The following REXO5 variants were observed in gnomAD, a reference collection of about 807,000 sequenced individuals.
REXO5 encodes the protein RNA exonuclease 5, also known as exonuclease NEF-sp.
A neutral mutation model predicts 88.5 loss-of-function variants in REXO5; 48 were observed. The ratio of observed to expected loss-of-function variants is 0.54; its 90% CI spans 0.43 to 0.69. The LOEUF (loss-of-function observed/expected upper bound fraction) is 0.69. REXO5 is among the 30% of genes least tolerant of loss of function. The pLI, the probability that REXO5 is intolerant of heterozygous loss-of-function variation, is 0.00. For synonymous variants in REXO5, 311 were observed against 336.5 expected (o/e 0.92, Z 0.83); for missense variants, 749 against 912.2 (o/e 0.82, Z 2.30).
rs554302321 is a variant in REXO5, at chr16:20,837,623, A to C, written c.1384-2132A>C. Among the ~76,000 whole-genome samples the C allele has an allele frequency of 2.8e-4, 42 of 152,008 alleles. 1 individual carries two copies. In the South Asian group the frequency reaches 3.7e-3, roughly 14 times the overall value. The stretch of plus-strand genomic sequence containing the variant: ...CTTGACAACTTGTAGTTGCTTTTTC[A>C]TATCCTCAAATGCTTGGCTGCTAAT... On this transcript the variant is annotated intron_variant, in intron 13 of 19. Coordinates refer to ENST00000261377, the MANE Select transcript of REXO5 (RefSeq NM_030941.3).
At chr16:20,813,107 C>T in intron 2 of REXO5, 83 bp from the exon 3 acceptor site, 1 of 905,696 alleles carries the variant, frequency 1.1e-6, no homozygotes, top group South Asian at 1.4e-5. Context: ...TTAAAGTAAT[C>T]AGAAGCTAGA....
At chr16:20,827,268 T>C (rs2081273891) in intron 9 of REXO5, 72 bp downstream of exon 9, 1 of 1,607,170 alleles carries the variant, frequency 6.2e-7, no homozygotes, top group Non-Finnish European at 8.5e-7. Flanking sequence ...TCTAAAGTCT[T>C]GGGCTCTTCT....
chr16:20,814,300 G>A (rs898392734), intron 3 of REXO5, among the ~76,000 whole-genome samples: 2 of 152,086 alleles, frequency 1.3e-5, no homozygotes, highest in African/African-American at 2.4e-5. Flanking sequence ...GCAGTGGCAC[G>A]ATCTCCGCTC....
In REXO5 at chr16:20,824,508, T is replaced by C. The variant is rs748889200; in HGVS notation, c.686T>C (p.Phe229Ser). ...TCTATAGCAGACAATAGTCCTCTCTTTGGACTTGACTGTGAAATGGCACGT... is the reference window on the plus strand; with the variant it reads ...TCTATAGCAGACAATAGTCCTCTCTCTGGACTTGACTGTGAAATGGCACGT... ...NGSIADNSPLFGLDCEMCLTS... is the reference protein window; with the variant it reads ...NGSIADNSPLSGLDCEMCLTS... The change falls in exon 7 of 20, where the codon TTT becomes TCT. Residue 229 changes from phenylalanine (F) to serine (S), a missense_variant. Transcript: ENST00000261377. 3 of 1,609,368 alleles carry C rather than the reference T, an allele frequency of 1.9e-6. No homozygotes were observed. The highest frequency in any genetic ancestry group is 2.6e-6 in the Non-Finnish European group (3 of 1,175,924).
chr16:20,823,337 C>G (rs1237167881), intron 6 of REXO5: 1 of 152,148 alleles, frequency 6.6e-6, no homozygotes, highest in East Asian at 1.9e-4. Context: ...AGGCACCGTA[C>G]TAAGTGCCTT....
chr16:20,815,110 A>C, intron 4 of REXO5, 57 bp downstream of exon 4: 1 of 1,563,202 alleles, frequency 6.4e-7, no homozygotes, highest in Non-Finnish European at 8.7e-7. Flanking sequence ...TCTGAGACTA[A>C]TACATGTGTC....
chr16:20,822,068 T>C (rs2081193964), intron 6 of REXO5, among the ~76,000 whole-genome samples, 166 bp downstream of exon 6: 1 of 152,236 alleles, frequency 6.6e-6, no homozygotes, highest in Non-Finnish European at 1.5e-5. Context: ...ATCTCAAAAG[T>C]GTGTGATGTC....
At position 20,832,358 on chromosome 16, in the gene REXO5, TA is replaced by T. The variant is rs2081358647; in HGVS notation, c.1262+104del. On this transcript the variant is annotated intron_variant, in intron 12 of 19. Transcript: ENST00000261377. Reference sequence around the variant, plus strand: ...TGTTTTTATCCTCTTTTGAGTCTATTAAAAACTATTTACCAAAAAATGATAA... The same window carrying T: ...TGTTTTTATCCTCTTTTGAGTCTATTAAAACTATTTACCAAAAAATGATAA... 4 of 721,164 alleles carry T rather than the reference TA, an allele frequency of 5.5e-6. No homozygotes were observed. The Admixed American group carries it at 1.1e-4, about 20-fold the overall frequency. The allele number at this position is 721,164 out of a possible 1,614,324, so 44.7% of individuals were successfully genotyped here.
chr16:20,833,000 T>C lies in REXO5; in HGVS notation c.1263-3T>C, dbSNP rs200182190. 1.4e-5 allele frequency: 22 copies of C among 1,611,392 alleles called. No individual in the cohort carries two copies. The African/African-American group carries it at 2.3e-4, about 17-fold the overall frequency. On this transcript the variant is annotated splice_polypyrimidine_tract_variant and splice_region_variant and intron_variant, in intron 12 of 19. Transcript: ENST00000261377. ...TTACCTTAACTCTTCTACTTCTTTA[T>C]AGTGTTTTAGAATGCTTGGATTCAG... is the stretch of plus-strand genomic sequence containing the variant.
intron 13 of REXO5, among the ~76,000 whole-genome samples, chr16:20,837,626 T>C (rs950596887): frequency 1.3e-5 from 2 of 152,214 alleles, no homozygotes; most frequent in African/African-American, 4.8e-5. Context: ...CTTTTTCATA[T>C]CCTCAAATGC....
intron 6 of REXO5, among the ~76,000 whole-genome samples, chr16:20,823,754 C>A (rs1022025317): frequency 6.6e-6 from 1 of 152,138 alleles, no homozygotes; most frequent in Non-Finnish European, 1.5e-5. Flanking sequence ...TAGAAATCTT[C>A]AACAATTCAG....
At chr16:20,819,054 G>A (rs901396364) in intron 5 of REXO5, among the ~76,000 whole-genome samples, 11 of 152,194 alleles carry the variant, frequency 7.2e-5, no homozygotes, top group African/African-American at 2.2e-4. Context: ...CATTTGCTGA[G>A]AATAATGGCT....
intron 5 of REXO5, among the ~76,000 whole-genome samples, chr16:20,818,694 C>T (rs904786511): frequency 1.5e-4 from 23 of 152,168 alleles, no homozygotes; most frequent in Admixed American, 1.2e-3. Context: ...TGGTATTGAA[C>T]GCTTGGCCTC....
At position 20,830,913 on chromosome 16, in the gene REXO5, A is replaced by AT. The variant is rs1253316954; in HGVS notation, c.1159-1243_1159-1242insT. ...ATCAACATTTACCATATTAGAAATT[A>AT]AATAAATTTTTAATATTAGTTTAAG... On this transcript the variant is annotated intron_variant, in intron 11 of 19. Coordinates refer to ENST00000261377, the MANE Select transcript of REXO5 (RefSeq NM_030941.3). 6.6e-5 allele frequency among the ~76,000 whole-genome samples: 10 copies of AT among 152,186 alleles called. No individual in the cohort carries two copies. In the East Asian group the frequency reaches 1.7e-3, roughly 26 times the overall value.
intron 6 of REXO5, among the ~76,000 whole-genome samples, chr16:20,822,524 A>C (rs1438492202): frequency 6.6e-6 from 1 of 152,212 alleles, no homozygotes; most frequent in African/African-American, 2.4e-5. Flanking sequence ...CCATCACCAC[A>C]ATTTTAGAAC....
chr16:20,825,951 A>G lies in REXO5; in HGVS notation c.821+3A>G. 1 of 1,595,872 alleles carries G rather than the reference A, an allele frequency of 6.3e-7. No individual in the cohort carries two copies. The highest frequency in any genetic ancestry group is 8.6e-7 in the Non-Finnish European group (1 of 1,164,442). ...AAGATTCTGGACTACCTCACCAGGT[A>G]TTTTTCACCTTGCCTGCAGCTCTTC... On this transcript the variant is annotated splice_donor_region_variant and intron_variant, in intron 8 of 19. Transcript: ENST00000261377.
At chr16:20,847,323 C>T (rs1425409158) in intron 19 of REXO5, among the ~76,000 whole-genome samples, 2 of 149,960 alleles carry the variant, frequency 1.3e-5, no homozygotes, top group African/African-American at 4.9e-5. Flanking sequence ...GTGGTCCCAA[C>T]TACTTGGGAG....
At chr16:20,810,608 C>T (rs2080982863) in intron 2 of REXO5, among the ~76,000 whole-genome samples, 1 of 152,166 alleles carries the variant, frequency 6.6e-6, no homozygotes, top group South Asian at 2.1e-4. Context: ...ACCATGTTGG[C>T]TGGTCTCAAA....
In REXO5 at chr16:20,813,186, G is replaced by T; in HGVS notation, c.139-4G>T. The T allele has an allele frequency of 6.2e-7, 1 of 1,600,914 alleles. No individual in the cohort carries two copies. The highest frequency in any genetic ancestry group is 8.6e-7 in the Non-Finnish European group (1 of 1,168,180). On this transcript the variant is annotated splice_polypyrimidine_tract_variant and splice_region_variant and intron_variant, in intron 2 of 19. Coordinates refer to ENST00000261377, the MANE Select transcript of REXO5 (RefSeq NM_030941.3). Reference sequence around the variant, plus strand: ...GCTTGCTACGCCCTGATTAATCTTTGCAGAAAGCCCGCTTATCTACCATTT... The same window carrying T: ...GCTTGCTACGCCCTGATTAATCTTTTCAGAAAGCCCGCTTATCTACCATTT...
Sources: allele counts gnomAD v4.1 joint callset (sites outside exome capture counted in the v4.1 genomes callset), GRCh38; gene constraint gnomAD v4.1.1; transcripts MANE v1.5; gene names NCBI Gene and HGNC (gene_info 2026-07-23, HGNC 2026-07-21).